Variants in CERKL observed in about 807,000 individuals in gnomAD.
CERKL encodes the protein CERK like autophagy regulator.
In CERKL, 61 loss-of-function variants were observed where a neutral mutation model predicts 63.4. That is an observed-to-expected ratio of 0.96 (90% CI 0.78 to 1.19). The LOEUF (loss-of-function observed/expected upper bound fraction) is 1.19, where lower values mean the gene tolerates loss of function less well. Ranked by LOEUF, CERKL falls within the 50% of genes most tolerant of loss-of-function variation. The pLI is 0.00. For synonymous variants in CERKL, 250 were observed against 230.5 expected, an observed-to-expected ratio of 1.08 and a Z score of -0.77; for missense variants, 675 against 655.5, an observed-to-expected ratio of 1.03 and a Z score of -0.33.
rs1437352535 is a variant in CERKL, at chr2:181,537,106, A to ATGACATTTATGTATTTT, written c.*1061_*1077dup. 4.4e-6 allele frequency: 2 copies of ATGACATTTATGTATTTT among 452,508 alleles called. No homozygotes were observed. Among genetic ancestry groups the ATGACATTTATGTATTTT allele is most frequent in the Non-Finnish European group, 8.8e-6 (2 of 226,346 alleles). The allele number at this position is 452,508 out of a possible 1,614,324, so 28.0% of individuals were successfully genotyped here. ...GTGTGTATACACAGGAATAAACTTT[A>ATGACATTTATGTATTTT]TGACATTTATGTATTTTTAAAAAAC... On this transcript the variant is annotated 3_prime_UTR_variant, in exon 13 of 13. Transcript: ENST00000410087.
chr2:181,547,581 G>GA, intron 10 of CERKL, 37 bp downstream of exon 10: 1 of 1,564,124 alleles, frequency 6.4e-7, no homozygotes. Flanking sequence ...TGGTCTATAA[G>GA]AAATGTATCA....
At chr2:181,540,077 C>T (rs866248614) in intron 11 of CERKL, among the ~76,000 whole-genome samples, 1 of 152,008 alleles carries the variant, frequency 6.6e-6, no homozygotes, top group African/African-American at 2.4e-5. Flanking sequence ...TAAAAGTTGA[C>T]AGAAAACTAA....
At chr2:181,637,232 A>G (rs935170282) in intron 1 of CERKL, among the ~76,000 whole-genome samples, 2 of 152,222 alleles carry the variant, frequency 1.3e-5, no homozygotes, top group South Asian at 2.1e-4. Context: ...ATTTGGTAAT[A>G]TTGAGCAAAA....
intron 2 of CERKL, among the ~76,000 whole-genome samples, chr2:181,602,861 T>C (rs1008058914): frequency 9.9e-5 from 15 of 152,276 alleles, no homozygotes; most frequent in African/African-American, 3.6e-4. Flanking sequence ...AGAAATGAAT[T>C]AACAGAAAAA....
intron 1 of CERKL, among the ~76,000 whole-genome samples, chr2:181,651,410 A>G (rs901331180): frequency 6.6e-6 from 1 of 152,248 alleles, no homozygotes; most frequent in Non-Finnish European, 1.5e-5. Flanking sequence ...ACATTAACAA[A>G]GACAAAAACT....
intron 2 of CERKL, among the ~76,000 whole-genome samples, chr2:181,580,446 T>C (rs1429157141): frequency 6.6e-6 from 1 of 152,112 alleles, no homozygotes; most frequent in Admixed American, 6.6e-5. Context: ...ACAATTATTT[T>C]ATCTGTAAAT....
At chr2:181,548,643 C>A (rs774034295) in intron 7 of CERKL, 37 bp downstream of exon 7, 1 of 1,612,464 alleles carries the variant, frequency 6.2e-7, no homozygotes, top group Non-Finnish European at 8.5e-7. Context: ...AGTCATTGAA[C>A]CTGGGATACA....
chr2:181,538,996 A>C, intron 12 of CERKL, 96 bp downstream of exon 12: 1 of 928,718 alleles, frequency 1.1e-6, no homozygotes, highest in East Asian at 2.4e-5. Context: ...AAACTAACCA[A>C]CTGCCTGCTT....
intron 11 of CERKL, among the ~76,000 whole-genome samples, chr2:181,542,802 C>T (rs1389280140): frequency 5.9e-5 from 9 of 152,078 alleles, no homozygotes; most frequent in South Asian, 2.1e-4. Context: ...TCTTAGAAAA[C>T]GTCTTCCTAT....
intron 2 of CERKL, among the ~76,000 whole-genome samples, chr2:181,603,299 C>T (rs939731095): frequency 4.6e-5 from 7 of 152,026 alleles, no homozygotes; most frequent in African/African-American, 1.2e-4. Flanking sequence ...AAAATAAATA[C>T]GCTTCTAAAA....
At chr2:181,622,736 T>C (rs962391585) in intron 1 of CERKL, among the ~76,000 whole-genome samples, 1 of 152,224 alleles carries the variant, frequency 6.6e-6, no homozygotes, top group African/African-American at 2.4e-5. Context: ...ATTGTTCAAA[T>C]GTCACCCTGA....
chr2:181,576,319 ATAT>A (rs1684212180), intron 2 of CERKL, among the ~76,000 whole-genome samples: 1 of 151,550 alleles, frequency 6.6e-6, no homozygotes, highest in Non-Finnish European at 1.5e-5. Context: ...AAATATTTAT[ATAT>A]TCTTAAACTC....
chr2:181,626,823 C>A (rs1360378542), intron 1 of CERKL, among the ~76,000 whole-genome samples: 2 of 152,226 alleles, frequency 1.3e-5, no homozygotes, highest in Non-Finnish European at 2.9e-5. Flanking sequence ...TTTCAGCAGA[C>A]AACCAGTATC....
chr2:181,565,976 G>A, intron 4 of CERKL, 82 bp downstream of exon 4: 1 of 908,996 alleles, frequency 1.1e-6, no homozygotes, highest in Non-Finnish European at 1.8e-6. Flanking sequence ...TTAAATGTTA[G>A]GTTCCAAATA....
chr2:181,618,787 C>G (rs934038606), intron 1 of CERKL, among the ~76,000 whole-genome samples: 4 of 152,122 alleles, frequency 2.6e-5, no homozygotes, highest in Non-Finnish European at 5.9e-5. Flanking sequence ...ATGGTTATAA[C>G]TTAAATAAAT....
chr2:181,587,706 A>G (rs1312257325), intron 2 of CERKL, among the ~76,000 whole-genome samples: 1 of 152,178 alleles, frequency 6.6e-6, no homozygotes, highest in South Asian at 2.1e-4. Context: ...TGATAGTTGT[A>G]TATTTAATCC....
chr2:181,638,155 CA>C (rs1221750470), intron 1 of CERKL, among the ~76,000 whole-genome samples: 2 of 151,964 alleles, frequency 1.3e-5, no homozygotes, highest in Non-Finnish European at 2.9e-5. Flanking sequence ...TCTTTAAAAA[CA>C]AAACAAAAAA....
intron 2 of CERKL, among the ~76,000 whole-genome samples, chr2:181,582,516 C>CATATATATATATATATATAT (rs59483712): frequency 1.2e-4 from 17 of 142,892 alleles, no homozygotes; most frequent in African/African-American, 4.2e-4. Flanking sequence ...ATATTGTCAA[C>CATATATATATATATATATAT]ATATATATAT....
intron 2 of CERKL, 110 bp from the exon 3 acceptor site, chr2:181,573,994 ATTTG>A: frequency 1.1e-6 from 1 of 930,132 alleles, no homozygotes; most frequent in Non-Finnish European, 1.7e-6. Context: ...TTTAAATAGT[ATTTG>A]CTATTTTTAT....
Sources: allele counts gnomAD v4.1 joint callset (sites outside exome capture counted in the v4.1 genomes callset), GRCh38; gene constraint gnomAD v4.1.1; transcripts MANE v1.5; gene names NCBI Gene and HGNC (gene_info 2026-07-23, HGNC 2026-07-21).